The following TIA1 variants were observed in gnomAD, a reference collection of about 807,000 sequenced individuals.
TIA1 encodes cytotoxic granule associated RNA binding protein TIA1.
In TIA1, 23 loss-of-function variants were observed where a neutral mutation model predicts 65.9. The ratio of observed to expected loss-of-function variants is 0.35; its 90% confidence interval spans 0.25 to 0.49. TIA1 has a LOEUF of 0.49. Ranked by LOEUF, TIA1 falls within the 20% of genes least tolerant of loss-of-function variation. The pLI is 0.98. For synonymous variants in TIA1, 147 were observed against 149.4 expected, an observed-to-expected ratio of 0.98 and a Z score of 0.12; for missense variants, 371 against 477.9, an observed-to-expected ratio of 0.78 and a Z score of 2.09.
intron 11 of TIA1, chr2:70,215,149 T>A (rs551629031): frequency 3.8e-6 from 2 of 532,326 alleles, no homozygotes; most frequent in African/African-American, 1.9e-5. Flanking sequence ...CGGAGCATTT[T>A]AAAATCCACT....
intron 7 of TIA1, among the ~76,000 whole-genome samples, chr2:70,219,431 T>C (rs771335031): frequency 5.3e-5 from 8 of 152,128 alleles, no homozygotes; most frequent in Non-Finnish European, 7.4e-5. Flanking sequence ...GTAAGCTTAA[T>C]CTACTACTGA....
intron 6 of TIA1, among the ~76,000 whole-genome samples, chr2:70,226,339 T>C (rs1032476894): frequency 6.6e-6 from 1 of 152,130 alleles, no homozygotes; most frequent in South Asian, 2.1e-4. Flanking sequence ...AATTCCAAAC[T>C]AAAATTCCCG....
intron 2 of TIA1, among the ~76,000 whole-genome samples, chr2:70,232,152 T>C (rs1180698361): frequency 2.3e-5 from 3 of 132,878 alleles, no homozygotes; most frequent in Non-Finnish European, 4.6e-5. Flanking sequence ...CAGTGTGCAG[T>C]GAGCCGAGAT....
intron 7 of TIA1, among the ~76,000 whole-genome samples, chr2:70,221,063 G>A (rs1474072662): frequency 1.3e-5 from 2 of 152,102 alleles, no homozygotes; most frequent in African/African-American, 4.8e-5. Context: ...CTGGAGTGCA[G>A]TGGCATAATC....
At chr2:70,248,667 G>A (rs548255398), upstream of TIA1, 13 of 594,440 alleles carry the variant, frequency 2.2e-5, no homozygotes, top group Non-Finnish European at 3.6e-5. Context: ...AGTTACCCGG[G>A]CCGCGCAGGC....
Position 70,212,164 on chromosome 2 carries a change from C to T in TIA1, c.*555G>A, listed in dbSNP as rs899291460. 2.0e-5 allele frequency: 3 copies of T among 152,444 alleles called. No individual in the cohort carries two copies. Among genetic ancestry groups the T allele is most frequent in the African/African-American group, 7.2e-5 (3 of 41,406 alleles). The allele number at this position is 152,444 out of a possible 1,614,324, so 9.4% of individuals were successfully genotyped here. On this transcript the variant is annotated 3_prime_UTR_variant, in exon 13 of 13. Transcript: ENST00000433529. ...AAATTTGTGAAAAAAGATGTAGATACAAAAATGATGTAAACTAATAATTTA... is the reference window on the plus strand; with the variant it reads ...AAATTTGTGAAAAAAGATGTAGATATAAAAATGATGTAAACTAATAATTTA...
intron 1 of TIA1, among the ~76,000 whole-genome samples, chr2:70,242,686 A>G (rs1465749975): frequency 6.6e-6 from 1 of 152,078 alleles, no homozygotes; most frequent in African/African-American, 2.4e-5. Flanking sequence ...TTATGCGTCC[A>G]TGGCCTGTTA....
intron 8 of TIA1, 148 bp from the exon 9 acceptor site, chr2:70,216,647 A>G: frequency 7.5e-7 from 1 of 1,339,726 alleles, no homozygotes; most frequent in Non-Finnish European, 1.0e-6. Flanking sequence ...TCAGAATTAA[A>G]CCTCCCCCAC....
intron 1 of TIA1, among the ~76,000 whole-genome samples, chr2:70,239,935 T>C (rs1690931343): frequency 6.6e-6 from 1 of 152,206 alleles, no homozygotes; most frequent in Non-Finnish European, 1.5e-5. Context: ...AGTTCTCCTT[T>C]ACAGGAGAAT....
Position 70,248,617 on chromosome 2 carries a change from C to T in TIA1, c.-187G>A. ...CAGCGGGAACAATGAAACCCCAATACAAGATGGCGGCGAGCCGGGAGCCTA... is the reference window on the plus strand; with the variant it reads ...CAGCGGGAACAATGAAACCCCAATATAAGATGGCGGCGAGCCGGGAGCCTA... On this transcript the variant is annotated 5_prime_UTR_variant, in exon 1 of 13. Coordinates refer to ENST00000433529, the MANE Select transcript of TIA1 (RefSeq NM_022173.4). The T allele has an allele frequency of 1.3e-6, 1 of 784,486 alleles. No homozygotes were observed. Among genetic ancestry groups the T allele is most frequent in the Non-Finnish European group, 2.0e-6 (1 of 487,878 alleles). The allele number at this position is 784,486 out of a possible 1,614,324, so 48.6% of individuals were successfully genotyped here.
At position 70,213,231 on chromosome 2, in the gene TIA1, AG is replaced by A. The variant is rs1314274190; in HGVS notation, c.1035-387del. ...AAACCACTACCTGAAAGAGTCAGGT[AG>A]GTTCCCTACAACGAAAAAGGAACAT... On this transcript the variant is annotated intron_variant, in intron 12 of 12. Coordinates refer to ENST00000433529, the MANE Select transcript of TIA1 (RefSeq NM_022173.4). Among the ~76,000 whole-genome samples the A allele has an allele frequency of 2.0e-5, 3 of 152,310 alleles. 1 individual carries two copies. The highest frequency in any genetic ancestry group is 4.1e-4 in the South Asian group (2 of 4,826).
chr2:70,225,231 C>A, intron 6 of TIA1: 1 of 1,097,732 alleles, frequency 9.1e-7, no homozygotes, highest in Non-Finnish European at 1.1e-6. Context: ...AAAGATTTTA[C>A]ACTGAATTTT....
chr2:70,236,203 T>A (rs756556101), intron 1 of TIA1, 28 bp from the exon 2 acceptor site: 21 of 360,316 alleles, frequency 5.8e-5, no homozygotes, highest in Non-Finnish European at 8.0e-5. Flanking sequence ...ACAATTTACC[T>A]TTTTTTTTTT....
chr2:70,246,741 C>T, intron 1 of TIA1, among the ~76,000 whole-genome samples: 1 of 151,986 alleles, frequency 6.6e-6, no homozygotes, highest in East Asian at 1.9e-4. Flanking sequence ...CAAAAATTAG[C>T]CGGGCATGGT....
Position 70,248,473 on chromosome 2 carries a change from C to T in TIA1, c.-43G>A, listed in dbSNP as rs754366955. The T allele has an allele frequency of 3.7e-6, 6 of 1,600,746 alleles. No individual in the cohort carries two copies. Among genetic ancestry groups the T allele is most frequent in the Admixed American group, 1.7e-5 (1 of 60,008 alleles). ...CGGCGCCTCCAGGTCCAGCTCCCTG[C>T]CCTTCACTACCTCCCAAATCGTTTA... On this transcript the variant is annotated 5_prime_UTR_variant, in exon 1 of 13. Coordinates refer to ENST00000433529, the MANE Select transcript of TIA1 (RefSeq NM_022173.4).
At chr2:70,225,099 T>A in intron 6 of TIA1, 1 of 1,003,908 alleles carries the variant, frequency 1.0e-6, no homozygotes. Flanking sequence ...TTAAACTATT[T>A]AATTTTTTCA....
rs1573166994 is a variant in TIA1, at chr2:70,214,577, AAC to A, written c.889-85_889-84del. ...GCTGATACCACAAATTCTTAGCCAA[AAC>A]ACACAGGGCCATCATTACAATTAAA... On this transcript the variant is annotated intron_variant, in intron 11 of 12. Transcript: ENST00000433529. 30 of 1,080,738 alleles carry A rather than the reference AAC, an allele frequency of 2.8e-5. No homozygotes were observed. In the East Asian group the frequency reaches 8.8e-4, roughly 32 times the overall value. The allele number at this position is 1,080,738 out of a possible 1,614,324, so 66.9% of individuals were successfully genotyped here.
At chr2:70,228,998 C>G in intron 5 of TIA1, 61 bp downstream of exon 5, 1 of 1,172,192 alleles carries the variant, frequency 8.5e-7, no homozygotes, top group Non-Finnish European at 1.1e-6. Context: ...AAAAAAACTT[C>G]AGGTGGTTAG....
intron 2 of TIA1, 42 bp from the exon 3 acceptor site, chr2:70,230,896 C>T: frequency 3.4e-6 from 5 of 1,452,808 alleles, no homozygotes; most frequent in Non-Finnish European, 4.7e-6. Context: ...AAGCTTTATT[C>T]ACCCATTACC....
Sources: allele counts gnomAD v4.1 joint callset (sites outside exome capture counted in the v4.1 genomes callset), GRCh38; gene constraint gnomAD v4.1.1; transcripts MANE v1.5; gene names NCBI Gene and HGNC (gene_info 2026-07-23, HGNC 2026-07-21).